FUT8: variants seen among roughly 807,000 people sequenced by gnomAD.
The protein encoded by FUT8 is fucosyltransferase 8.
In FUT8, 29 loss-of-function variants were observed where a neutral mutation model predicts 71.3. The ratio of observed to expected loss-of-function variants is 0.41; its 90% CI spans 0.30 to 0.55. The LOEUF is 0.55. FUT8 is among the 20% of genes least tolerant of loss of function. The probability of loss-of-function intolerance (pLI) is 0.34; values close to 1 mark genes in which losing one functional copy is unlikely to be tolerated. For missense variants in FUT8, 544 were observed against 702.1 expected (o/e 0.77, Z 2.55); for synonymous variants, 254 against 239.3 (o/e 1.06, Z -0.57).
At chr14:65,741,985 CT>C in intron 10 of FUT8, 107 bp from the exon 11 acceptor site, 1 of 826,632 alleles carries the variant, frequency 1.2e-6, no homozygotes, top group Non-Finnish European at 1.9e-6. Context: ...GAATCCACTA[CT>C]TTTCAACCTC....
At chr14:65,702,716 G>A (rs997276090) in intron 7 of FUT8, among the ~76,000 whole-genome samples, 12 of 151,942 alleles carry the variant, frequency 7.9e-5, no homozygotes, top group African/African-American at 2.2e-4. Context: ...AGGTTGAGGC[G>A]TGTGTTACAT....
rs115314911 is a variant in FUT8, at chr14:65,626,107, G to A, written c.483-3385G>A. ...TTTTATAATTGATTATCAATACCAC[G>A]TGTTACTGTTACCCACATCTAATGG... On this transcript the variant is annotated intron_variant, in intron 5 of 10. Transcript: ENST00000673929. Among the ~76,000 whole-genome samples, 747 of 151,854 alleles carry A rather than the reference G, an allele frequency of 4.9e-3. 8 individuals are homozygous for A. The highest frequency in any genetic ancestry group is 0.017 in the African/African-American group (695 of 41,384).
intron 5 of FUT8, among the ~76,000 whole-genome samples, chr14:65,621,636 G>A (rs1034803439): frequency 3.3e-5 from 5 of 150,996 alleles, no homozygotes; most frequent in African/African-American, 1.2e-4. Context: ...ATCTCAGCTC[G>A]CTGCAACCTC....
At chr14:65,463,809 G>T (rs2066001695) in intron 2 of FUT8, among the ~76,000 whole-genome samples, 2 of 152,198 alleles carry the variant, frequency 1.3e-5, no homozygotes, top group East Asian at 3.8e-4. Context: ...CCTCCAACTT[G>T]TAAGAAATAT....
At chr14:65,504,686 G>C (rs116319015) in intron 2 of FUT8, among the ~76,000 whole-genome samples, 2,667 of 152,126 alleles carry the variant, frequency 0.018, 79 homozygotes, top group African/African-American at 0.061. Context: ...AATAGCTAGG[G>C]TTACAGGCGC....
chr14:65,601,072 T>C (rs1888266069), intron 3 of FUT8, among the ~76,000 whole-genome samples: 1 of 152,208 alleles, frequency 6.6e-6, no homozygotes, highest in Non-Finnish European at 1.5e-5. Flanking sequence ...GATTATCATA[T>C]GTGATTATTC....
At chr14:65,701,527 GTAT>G (rs1894294859) in intron 7 of FUT8, among the ~76,000 whole-genome samples, 1 of 152,050 alleles carries the variant, frequency 6.6e-6, no homozygotes, top group Non-Finnish European at 1.5e-5. Flanking sequence ...TTCTCTAAGG[GTAT>G]TATTAACTCT....
In FUT8 at chr14:65,483,598, T is replaced by C. The variant is rs2139689758; in HGVS notation, c.-228+27880T>C. ...TAAAATGTCTCCATTTATTTGGATG[T>C]TTAATTTCTTTCAGCAGTATTTTAT... On this transcript the variant is annotated intron_variant, in intron 2 of 10. Coordinates refer to ENST00000673929, the MANE Select transcript of FUT8 (RefSeq NM_001371533.1). This position sits in a 1 kb window ranked among gnomAD's most constrained non-coding sequence, Gnocchi z 4.4. Among the ~76,000 whole-genome samples, 1 of 152,364 alleles carries C rather than the reference T, an allele frequency of 6.6e-6. No individual in the cohort carries two copies. Among genetic ancestry groups the C allele is most frequent in the Middle Eastern group, 3.4e-3 (1 of 294 alleles).
At position 65,743,604 on chromosome 14, in the gene FUT8, A is replaced by T. The variant is rs184210746; in HGVS notation, c.*1194A>T. The stretch of plus-strand genomic sequence containing the variant: ...TTTGAGAGTACCAGGTATCTTTGGG[A>T]TTGGGAAGCTGGCTGTTTCAGAAGT... On this transcript the variant is annotated 3_prime_UTR_variant, in exon 11 of 11. Coordinates refer to ENST00000673929, the MANE Select transcript of FUT8 (RefSeq NM_001371533.1). The T allele has an allele frequency of 5.3e-5, 8 of 151,810 alleles. No homozygotes were observed. The East Asian group carries it at 1.6e-3, about 30-fold the overall frequency. The allele number at this position is 151,810 out of a possible 1,614,324, so 9.4% of individuals were successfully genotyped here.
intron 2 of FUT8, chr14:65,488,271 C>T (rs966374788): frequency 6.6e-6 from 1 of 152,166 alleles, no homozygotes; most frequent in Admixed American, 6.5e-5. Flanking sequence ...GACACATCTT[C>T]AACTTAAATT....
chr14:65,468,253 A>G (rs2066077553), intron 2 of FUT8: 3 of 624,836 alleles, frequency 4.8e-6, no homozygotes, highest in South Asian at 4.1e-5. Flanking sequence ...ATAGATTCGC[A>G]TACATGTGGC....
At chr14:65,688,684 G>A (rs1051404242) in intron 7 of FUT8, among the ~76,000 whole-genome samples, 1 of 152,168 alleles carries the variant, frequency 6.6e-6, no homozygotes, top group Non-Finnish European at 1.5e-5. Flanking sequence ...GTGTGCAGGT[G>A]TGTGAGTGGG....
rs546739097 is a variant in FUT8 at position 65,580,436 on chromosome 14, A to G, written c.203+18670A>G. On this transcript the variant is annotated intron_variant, in intron 3 of 10. Transcript: ENST00000673929. ...TGACTAAATATATATATATGTGTAT[A>G]TAATACTGTATATAATACATATATA... 3.9e-5 allele frequency among the ~76,000 whole-genome samples: 6 copies of G among 151,926 alleles called. No individual in the cohort carries two copies. The South Asian group carries it at 1.2e-3, about 32-fold the overall frequency.
chr14:65,561,151 G>A (rs961693410), intron 2 of FUT8, among the ~76,000 whole-genome samples, 186 bp from the exon 3 acceptor site: 2 of 152,128 alleles, frequency 1.3e-5, no homozygotes, highest in Non-Finnish European at 2.9e-5. Context: ...GAGCACTAAT[G>A]TACATGGCTG....
chr14:65,464,527 T>C (rs935939095), intron 2 of FUT8, among the ~76,000 whole-genome samples: 14 of 152,142 alleles, frequency 9.2e-5, no homozygotes, highest in African/African-American at 3.4e-4. Flanking sequence ...GTGGAGGAAA[T>C]CCTCCTCTAT....
At chr14:65,431,905 C>A (rs1225133717) in intron 1 of FUT8, among the ~76,000 whole-genome samples, 2 of 151,986 alleles carry the variant, frequency 1.3e-5, no homozygotes, top group East Asian at 3.9e-4. Context: ...ATGGCTTAAA[C>A]AAAAACCTTT....
At chr14:65,482,664 T>C (rs1389173533) in intron 2 of FUT8, among the ~76,000 whole-genome samples, 14 of 152,180 alleles carry the variant, frequency 9.2e-5, no homozygotes, top group Admixed American at 4.6e-4. Flanking sequence ...CCCATACAAC[T>C]GCTTGTTCCT....
intron 2 of FUT8, among the ~76,000 whole-genome samples, chr14:65,462,839 G>T (rs1226231382): frequency 6.6e-6 from 1 of 152,168 alleles, no homozygotes; most frequent in African/African-American, 2.4e-5. Flanking sequence ...AATGTTTTTA[G>T]ATCTGGACAA....
At chr14:65,446,822 TTC>T (rs1461081761) in intron 1 of FUT8, among the ~76,000 whole-genome samples, 1 of 151,906 alleles carries the variant, frequency 6.6e-6, no homozygotes, top group African/African-American at 2.4e-5. Context: ...GATAGGTTCT[TTC>T]TCTGTTTCCC....
Sources: gnomAD v4.1 joint callset for allele counts (sites outside exome capture counted in the v4.1 genomes callset) on GRCh38, gnomAD v4.1.1 for gene constraint, Gnocchi (gnomAD v3.1) non-coding constraint, MANE v1.5 for transcripts, NCBI Gene and HGNC (gene_info 2026-07-23, HGNC 2026-07-21) for gene names.